NOL4: variants seen among roughly 807,000 people sequenced by gnomAD.
The protein encoded by NOL4 is nucleolar protein 4, also known as cancer/testis antigen 125.
A neutral mutation model predicts 75.9 loss-of-function variants in NOL4; 17 were observed. The observed-to-expected ratio is 0.22, with a 90% CI of 0.15 to 0.34. The LOEUF is 0.34. Ranked by LOEUF, NOL4 falls within the 10% of genes least tolerant of loss-of-function variation. The pLI, the probability that NOL4 is intolerant of heterozygous loss-of-function variation, is 1.00. For synonymous variants in NOL4, 292 were observed against 289.9 expected (o/e 1.01, Z -0.07); for missense variants, 614 against 793.5 (o/e 0.77, Z 2.72).
chr18:34,101,284 T>C (rs1182076149), intron 4 of NOL4, among the ~76,000 whole-genome samples: 1 of 152,186 alleles, frequency 6.6e-6, no homozygotes, highest in African/African-American at 2.4e-5. Flanking sequence ...TTCTCTTCCA[T>C]GGAAGCCCTT....
intron 10 of NOL4, among the ~76,000 whole-genome samples, chr18:33,877,437 T>TAACAAA (rs1555641396): frequency 1.6e-4 from 17 of 106,246 alleles, no homozygotes; most frequent in African/African-American, 5.6e-4. Context: ...GACCTTGCCT[T>TAACAAA]AAAAAAAAAA....
At chr18:34,201,224 A>ACTATATACTGGGCATTTT (rs1568444915) in intron 1 of NOL4, among the ~76,000 whole-genome samples, 3 of 151,852 alleles carry the variant, frequency 2.0e-5, no homozygotes, top group Non-Finnish European at 4.4e-5. Flanking sequence ...TATAGCATTT[A>ACTATATACTGGGCATTTT]CTATATACTG....
chr18:34,032,489 C>T (rs1019334480), intron 5 of NOL4, among the ~76,000 whole-genome samples: 17 of 152,276 alleles, frequency 1.1e-4, no homozygotes, highest in African/African-American at 4.1e-4. Flanking sequence ...CATGAACACT[C>T]CTCCTGGGGC....
chr18:34,152,049 TC>T (rs1327636290), intron 1 of NOL4, among the ~76,000 whole-genome samples: 1 of 151,874 alleles, frequency 6.6e-6, no homozygotes, highest in Non-Finnish European at 1.5e-5. Context: ...AATCTTTGTA[TC>T]CCTTTTTAGT....
At chr18:34,140,727 G>A (rs1404247502) in intron 1 of NOL4, among the ~76,000 whole-genome samples, 1 of 152,142 alleles carries the variant, frequency 6.6e-6, no homozygotes, top group African/African-American at 2.4e-5. Flanking sequence ...TCATTATGAT[G>A]TTAGCTGGGT....
At chr18:33,934,812 A>G (rs1488951991) in intron 9 of NOL4, among the ~76,000 whole-genome samples, 1 of 151,482 alleles carries the variant, frequency 6.6e-6, no homozygotes, top group Non-Finnish European at 1.5e-5. Context: ...CCATAACAGT[A>G]ATAAGGCCGT....
chr18:34,190,284 A>G (rs1396162901), intron 1 of NOL4, among the ~76,000 whole-genome samples: 1 of 151,964 alleles, frequency 6.6e-6, no homozygotes, highest in Non-Finnish European at 1.5e-5. Flanking sequence ...CTTGGTAAGT[A>G]TGGCTAGAGG....
intron 6 of NOL4, among the ~76,000 whole-genome samples, chr18:33,968,102 A>T (rs1336649709): frequency 6.6e-6 from 1 of 151,996 alleles, no homozygotes; most frequent in African/African-American, 2.4e-5. Flanking sequence ...ATAAATAAAT[A>T]AATAAATAAA....
intron 1 of NOL4, among the ~76,000 whole-genome samples, chr18:34,186,892 G>A (rs971908512): frequency 1.3e-5 from 2 of 152,128 alleles, no homozygotes; most frequent in African/African-American, 4.8e-5. Context: ...AAACTGGATA[G>A]AAGGTTCACC....
chr18:33,926,527 C>T (rs2067342067), intron 9 of NOL4, among the ~76,000 whole-genome samples: 1 of 152,032 alleles, frequency 6.6e-6, no homozygotes, highest in Non-Finnish European at 1.5e-5. Flanking sequence ...AAGAAATAAC[C>T]AACAAGAAAG....
At position 34,155,272 on chromosome 18, in the gene NOL4, A is replaced by C. The variant is rs12606767; in HGVS notation, c.265-25252T>G. Among the ~76,000 whole-genome samples the C allele has an allele frequency of 1.6e-3, 248 of 152,154 alleles. 5 individuals carry two copies. In the East Asian group the frequency reaches 0.04, roughly 25 times the overall value. ...AAATGTTGAAAGGTATATTTTATAA[A>C]GAATCACTGATTTATTCAATAAATC... On this transcript the variant is annotated intron_variant, in intron 1 of 10. Transcript: ENST00000261592.
rs558940676 is a variant in NOL4 at position 33,899,414 on chromosome 18, T to C, written c.1543-15990A>G. ...TTGTCTACCTTCCTCCAACTCTTTGTCTCTCAATGCATTGGCTGTCATGCA... is the reference window on the plus strand; with the variant it reads ...TTGTCTACCTTCCTCCAACTCTTTGCCTCTCAATGCATTGGCTGTCATGCA... On this transcript the variant is annotated intron_variant, in intron 9 of 10. Transcript: ENST00000261592. Among the ~76,000 whole-genome samples the C allele has an allele frequency of 3.3e-5, 5 of 152,262 alleles. No individual in the cohort carries two copies. The South Asian group carries it at 1.0e-3, about 32-fold the overall frequency.
chr18:33,914,279 A>G (rs1387719339), intron 9 of NOL4, among the ~76,000 whole-genome samples: 1 of 152,068 alleles, frequency 6.6e-6, no homozygotes, highest in East Asian at 1.9e-4. Flanking sequence ...AAGTAGAAGG[A>G]ATAAGTGCAA....
intron 9 of NOL4, among the ~76,000 whole-genome samples, chr18:33,909,261 A>G (rs894681840): frequency 1.3e-5 from 2 of 152,080 alleles, no homozygotes; most frequent in African/African-American, 2.4e-5. Context: ...TTTTCCTTCC[A>G]TTTTTATTCT....
chr18:34,209,323 G>T (rs2036352291), intron 1 of NOL4, among the ~76,000 whole-genome samples: 1 of 151,920 alleles, frequency 6.6e-6, no homozygotes, highest in South Asian at 2.1e-4. Context: ...AATGTTGATG[G>T]TAATAATTTT....
At chr18:34,147,951 T>G (rs1301695238) in intron 1 of NOL4, among the ~76,000 whole-genome samples, 1 of 152,156 alleles carries the variant, frequency 6.6e-6, no homozygotes, top group Non-Finnish European at 1.5e-5. Context: ...TGGGAGGGTG[T>G]ATGTATCCAG....
chr18:33,956,005 T>C (rs960120860), intron 8 of NOL4, among the ~76,000 whole-genome samples: 2 of 152,116 alleles, frequency 1.3e-5, no homozygotes, highest in Non-Finnish European at 2.9e-5. Flanking sequence ...GAAATACATG[T>C]ATGCACCTTG....
At chr18:34,013,045 G>C (rs931676290) in intron 6 of NOL4, among the ~76,000 whole-genome samples, 6 of 151,888 alleles carry the variant, frequency 4.0e-5, no homozygotes, top group African/African-American at 7.2e-5. Flanking sequence ...AATGGCACTA[G>C]AGTTTATTTC....
intron 6 of NOL4, among the ~76,000 whole-genome samples, chr18:33,978,167 G>C (rs1053189767): frequency 2.6e-5 from 4 of 152,090 alleles, no homozygotes; most frequent in African/African-American, 7.2e-5. Flanking sequence ...CTATCTATCT[G>C]TTGAATATTC....
Sources: allele counts gnomAD v4.1 joint callset (sites outside exome capture counted in the v4.1 genomes callset), GRCh38; gene constraint gnomAD v4.1.1; transcripts MANE v1.5; gene names NCBI Gene and HGNC (gene_info 2026-07-23, HGNC 2026-07-21).